Variants in MORC4 observed in about 807,000 individuals in gnomAD.
MORC4 encodes the protein MORC family CW-type zinc finger protein 4.
In MORC4, 22 loss-of-function variants were observed where a neutral mutation model predicts 65.5. The observed-to-expected ratio is 0.34, with a 90% confidence interval of 0.24 to 0.48. The LOEUF is 0.48. Among genes scored for constraint, MORC4 ranks in the 20% least tolerant of loss-of-function variants. MORC4 has a pLI of 0.99. For synonymous variants in MORC4, 267 were observed against 255.8 expected, an observed-to-expected ratio of 1.04 and a Z score of -0.42; for missense variants, 624 against 703.0, an observed-to-expected ratio of 0.89 and a Z score of 1.27.
chrX:106,951,522 C>T (rs1243321730), intron 14 of MORC4, among the ~76,000 whole-genome samples: 2 of 110,456 alleles, frequency 1.8e-5, no homozygotes, highest in Non-Finnish European at 3.8e-5. Context: ...AGGCGCACGT[C>T]ACCACACCTG....
rs780536050 is a variant in MORC4, at chrX:106,999,921, C to G, written c.49G>C (p.Gly17Arg). 1 of 847,793 alleles carries G rather than the reference C, an allele frequency of 1.2e-6. No individual in the cohort carries two copies. Among genetic ancestry groups the G allele is most frequent in the African/African-American group, 2.2e-5 (1 of 45,577 alleles). The allele number at this position is 847,793 out of a possible 1,213,427, so 69.9% of individuals were successfully genotyped here. The change falls in exon 1 of 17, where the codon GGG becomes CGG. Residue 17 changes from glycine to arginine, a missense_variant. By Grantham distance (125) the Gly-to-Arg change is moderately radical (BLOSUM62 -2). Coordinates refer to ENST00000355610, the MANE Select transcript of MORC4 (RefSeq NM_024657.5). ...GGGCCGCCGCCGGGCCGGGCCAGCCCGCAGCCCGGCGCGCCAGGGCCGGCG... is the reference window on the plus strand; with the variant it reads ...GGGCCGCCGCCGGGCCGGGCCAGCCGGCAGCCCGGCGCGCCAGGGCCGGCG... ...APAGPGAPGC[G>R]LARPGGGPQA...
At chrX:106,960,000 T>G (rs145521191) in intron 10 of MORC4, among the ~76,000 whole-genome samples, 111 of 112,589 alleles carry the variant, frequency 9.9e-4, no homozygotes, top group African/African-American at 3.3e-3. Flanking sequence ...AAAGAAAGTT[T>G]GTACACATTT....
At chrX:106,997,035 T>C (rs770075593) in intron 2 of MORC4, among the ~76,000 whole-genome samples, 8 of 111,865 alleles carry the variant, frequency 7.2e-5, no homozygotes, top group South Asian at 3.7e-4. Context: ...ACATGAAAGA[T>C]TGCCAAGGGT....
At position 106,985,081 on chromosome X, in the gene MORC4, C is replaced by CTTGG. The variant is rs779774405; in HGVS notation, c.674+11_674+14dup. On this transcript the variant is annotated intron_variant, in intron 5 of 16. Transcript: ENST00000355610. ...CCTTTGTTTATTAGAATCTATCACC[C>CTTGG]TTGGAATACTATACCTGCGGATGTT... 1.7e-6 allele frequency: 2 copies of CTTGG among 1,166,540 alleles called. No individual in the cohort carries two copies. Among genetic ancestry groups the CTTGG allele is most frequent in the Non-Finnish European group, 2.3e-6 (2 of 866,339 alleles).
At chrX:106,977,999 T>G in intron 8 of MORC4, 81 bp downstream of exon 8, 2 of 1,053,098 alleles carry the variant, frequency 1.9e-6, no homozygotes, top group Non-Finnish European at 2.6e-6. Flanking sequence ...AAGCCATTAA[T>G]GAGCCTATCC....
intron 2 of MORC4, among the ~76,000 whole-genome samples, chrX:106,995,669 T>C (rs1485256958): frequency 1.8e-5 from 2 of 112,362 alleles, no homozygotes; most frequent in Non-Finnish European, 3.8e-5. Context: ...AGTCAATCTT[T>C]AAGGACCAGG....
chrX:106,987,157 C>G (rs900224674), intron 3 of MORC4, among the ~76,000 whole-genome samples: 3 of 111,242 alleles, frequency 2.7e-5, no homozygotes, highest in Non-Finnish European at 5.7e-5. Context: ...TGTTCCATAG[C>G]AGACCAGGGT....
At chrX:106,996,432 C>T (rs988944977) in intron 2 of MORC4, among the ~76,000 whole-genome samples, 5 of 110,352 alleles carry the variant, frequency 4.5e-5, no homozygotes, top group Admixed American at 9.7e-5. Context: ...GCCCTTCATT[C>T]GGTCTCAGCA....
chrX:106,982,536 T>C (rs1285223003), intron 5 of MORC4, among the ~76,000 whole-genome samples: 2 of 111,766 alleles, frequency 1.8e-5, no homozygotes, highest in Non-Finnish European at 3.8e-5. Flanking sequence ...CCCCAATGCA[T>C]ATGCCCTGAG....
intron 9 of MORC4, among the ~76,000 whole-genome samples, chrX:106,967,085 C>A (rs756534736): frequency 9.0e-6 from 1 of 111,259 alleles, no homozygotes; most frequent in Non-Finnish European, 1.9e-5. Context: ...AGGCAGGTGC[C>A]CCTCTGGGAC....
At chrX:106,963,785 GA>G (rs1250437009) in intron 9 of MORC4, among the ~76,000 whole-genome samples, 1 of 108,379 alleles carries the variant, frequency 9.2e-6, no homozygotes, top group Non-Finnish European at 1.9e-5. Context: ...TGAATGCCCA[GA>G]AAAAAATGCA....
chrX:106,963,800 T>C (rs1202210052), intron 9 of MORC4, among the ~76,000 whole-genome samples: 1 of 109,780 alleles, frequency 9.1e-6, no homozygotes, highest in Non-Finnish European at 1.9e-5. Context: ...AAATGCAAGC[T>C]GAGAAAAGAA....
chrX:106,986,226 T>A (rs1332159506), intron 3 of MORC4, 26 bp from the exon 4 acceptor site: 2 of 1,109,357 alleles, frequency 1.8e-6, no homozygotes, highest in South Asian at 2.1e-5. Context: ...AAAAAACAAA[T>A]CAGAAAAAAA....
chrX:106,990,966 T>G (rs1346247521), intron 3 of MORC4, among the ~76,000 whole-genome samples: 1 of 111,640 alleles, frequency 9.0e-6, no homozygotes, highest in African/African-American at 3.3e-5. Context: ...AGTACATATA[T>G]TACATTAAGG....
chrX:106,987,018 G>C (rs1272932338), intron 3 of MORC4, among the ~76,000 whole-genome samples: 1 of 111,450 alleles, frequency 9.0e-6, no homozygotes, highest in Non-Finnish European at 1.9e-5. Context: ...AAAATAAAAT[G>C]ATTATATATC....
intron 10 of MORC4, among the ~76,000 whole-genome samples, chrX:106,959,974 G>A (rs1934194379): frequency 8.9e-6 from 1 of 112,046 alleles, no homozygotes; most frequent in African/African-American, 3.2e-5. Flanking sequence ...TTCTTTTTTT[G>A]AAACTCTGTT....
At chrX:106,942,392 A>C in intron 15 of MORC4, 123 bp downstream of exon 15, 1 of 876,922 alleles carries the variant, frequency 1.1e-6, no homozygotes, top group Non-Finnish European at 1.6e-6. Flanking sequence ...GAAACACACC[A>C]CAGAATAGTT....
chrX:106,986,278 C>A, intron 3 of MORC4, 78 bp from the exon 4 acceptor site: 1 of 759,702 alleles, frequency 1.3e-6, no homozygotes, highest in Non-Finnish European at 1.9e-6. Flanking sequence ...AGGTGACAGG[C>A]AGAATATTTG....
At chrX:106,990,626 C>A (rs867186955) in intron 3 of MORC4, among the ~76,000 whole-genome samples, 59 of 112,528 alleles carry the variant, frequency 5.2e-4, no homozygotes, top group African/African-American at 1.8e-3. Flanking sequence ...AATCTCAGCA[C>A]TTTGGGAGGC....
Sources: allele counts gnomAD v4.1 joint callset (sites outside exome capture counted in the v4.1 genomes callset), GRCh38; gene constraint gnomAD v4.1.1; transcripts MANE v1.5; gene names NCBI Gene and HGNC (gene_info 2026-07-23, HGNC 2026-07-21).